The following CHRM2 variants were observed in gnomAD, a reference collection of about 807,000 sequenced individuals.
CHRM2 encodes the protein muscarinic acetylcholine receptor M2.
CHRM2 carries 8 observed loss-of-function variants against 25.0 expected under a neutral mutation model. That is an observed-to-expected ratio of 0.32 (90% CI 0.19 to 0.58). The LOEUF (loss-of-function observed/expected upper bound fraction) is 0.58. Among genes scored for constraint, CHRM2 ranks in the 20% least tolerant of loss-of-function variants. The pLI is 0.88. For synonymous variants in CHRM2, 202 were observed against 205.7 expected (o/e 0.98, Z 0.15); for missense variants, 440 against 567.1 (o/e 0.78, Z 2.28).
intron 2 of CHRM2, among the ~76,000 whole-genome samples, chr7:136,946,266 A>G (rs1443743561): frequency 6.6e-6 from 1 of 152,340 alleles, no homozygotes; most frequent in Middle Eastern, 3.4e-3. Flanking sequence ...TGTTGGAAAC[A>G]GTATCAAAAT....
chr7:136,891,704 T>C (rs928673817), intron 2 of CHRM2, among the ~76,000 whole-genome samples: 2 of 152,228 alleles, frequency 1.3e-5, no homozygotes, highest in Non-Finnish European at 2.9e-5. Flanking sequence ...TTCTTGGACA[T>C]AACATGCCCT....
intron 2 of CHRM2, among the ~76,000 whole-genome samples, chr7:136,880,259 G>C (rs1318538657): frequency 6.6e-6 from 1 of 151,656 alleles, no homozygotes; most frequent in Non-Finnish European, 1.5e-5. Flanking sequence ...GCATCTCTTG[G>C]TGTCTGAGAT....
intron 2 of CHRM2, among the ~76,000 whole-genome samples, chr7:136,901,592 T>C (rs1157835065): frequency 6.6e-6 from 1 of 151,996 alleles, no homozygotes; most frequent in African/African-American, 2.4e-5. Flanking sequence ...GCAACCCAGT[T>C]TGGCCATTCC....
At chr7:136,895,511 T>C (rs999444706) in intron 2 of CHRM2, among the ~76,000 whole-genome samples, 4 of 152,226 alleles carry the variant, frequency 2.6e-5, no homozygotes, top group African/African-American at 9.6e-5. Context: ...GTTTCTGCTC[T>C]TTTGGCCATG....
intron 2 of CHRM2, among the ~76,000 whole-genome samples, chr7:136,956,690 T>G (rs539410876): frequency 6.6e-6 from 1 of 152,294 alleles, no homozygotes; most frequent in East Asian, 1.9e-4. Flanking sequence ...AAATGGTGAC[T>G]GCTGACATAT....
At chr7:136,887,796 G>A (rs1796524693) in intron 2 of CHRM2, among the ~76,000 whole-genome samples, 1 of 152,114 alleles carries the variant, frequency 6.6e-6, no homozygotes, top group Admixed American at 6.5e-5. Context: ...GGGAAACTTA[G>A]GGTTTTATAT....
chr7:136,916,791 G>C (rs1410317933), intron 2 of CHRM2, among the ~76,000 whole-genome samples: 1 of 151,402 alleles, frequency 6.6e-6, no homozygotes, highest in East Asian at 1.9e-4. Flanking sequence ...TTAAAATTTA[G>C]TATTGGGAAC....
At chr7:136,998,164 C>T (rs946648950) in intron 3 of CHRM2, among the ~76,000 whole-genome samples, 1 of 152,104 alleles carries the variant, frequency 6.6e-6, no homozygotes, top group African/African-American at 2.4e-5. Flanking sequence ...TTAGTTCAAG[C>T]TCATACGTTT....
intron 2 of CHRM2, among the ~76,000 whole-genome samples, chr7:136,920,022 G>C (rs1364403983): frequency 6.6e-6 from 1 of 152,052 alleles, no homozygotes; most frequent in African/African-American, 2.4e-5. Context: ...ATTAGAAAAT[G>C]CAATGTAGTG....
chr7:136,947,395 A>T (rs891274567), intron 2 of CHRM2, among the ~76,000 whole-genome samples: 1 of 152,228 alleles, frequency 6.6e-6, no homozygotes, highest in Non-Finnish European at 1.5e-5. Flanking sequence ...ATTGAAGGAA[A>T]ACAATACAGT....
At chr7:137,008,138 A>G (rs545289891) in intron 3 of CHRM2, among the ~76,000 whole-genome samples, 7 of 152,266 alleles carry the variant, frequency 4.6e-5, no homozygotes, top group African/African-American at 1.7e-4. Flanking sequence ...TTGCAAATAT[A>G]TGAAATTAAA....
chr7:136,914,188 C>T (rs1307341743), intron 2 of CHRM2: 2 of 151,954 alleles, frequency 1.3e-5, no homozygotes, highest in Admixed American at 6.6e-5. Flanking sequence ...CTTTCCCAGT[C>T]TGTGCAATTT....
chr7:137,013,984 T>G (rs564586992), intron 3 of CHRM2, among the ~76,000 whole-genome samples: 1 of 152,168 alleles, frequency 6.6e-6, no homozygotes, highest in African/African-American at 2.4e-5. Context: ...TTGATAGTGG[T>G]TTGAAAAACA....
intron 2 of CHRM2, among the ~76,000 whole-genome samples, chr7:136,931,989 G>T (rs1438858818): frequency 1.3e-5 from 2 of 152,158 alleles, no homozygotes; most frequent in Non-Finnish European, 2.9e-5. Context: ...CAGCACAAAG[G>T]ACAAGGGGGC....
chr7:136,928,123 C>A (rs1473026245), intron 2 of CHRM2, among the ~76,000 whole-genome samples: 1 of 151,898 alleles, frequency 6.6e-6, no homozygotes, highest in South Asian at 2.1e-4. Flanking sequence ...AAAATACGAG[C>A]AAGAAAAAGA....
intron 3 of CHRM2, among the ~76,000 whole-genome samples, chr7:137,004,516 G>A (rs1189375082): frequency 6.6e-6 from 1 of 152,114 alleles, no homozygotes; most frequent in African/African-American, 2.4e-5. Flanking sequence ...CACTAAGGGT[G>A]TTGGAAGAGG....
chr7:136,981,641 T>A lies in CHRM2; in HGVS notation c.-124-10546T>A, dbSNP rs140139652. 6.4e-4 allele frequency among the ~76,000 whole-genome samples: 97 copies of A among 152,158 alleles called. 1 individual carries two copies. The highest frequency in any genetic ancestry group is 1.8e-3 in the Admixed American group (27 of 15,296). ...TTTGGTGTGTCCCAGAGATCTGGTA[T>A]GTTGTGTCTTTGTTCTCATTGGTTT... On this transcript the variant is annotated intron_variant, in intron 2 of 3. Coordinates refer to ENST00000680005, the MANE Select transcript of CHRM2 (RefSeq NM_001006630.2).
intron 2 of CHRM2, among the ~76,000 whole-genome samples, chr7:136,887,023 T>A (rs1796494667): frequency 6.6e-6 from 1 of 152,210 alleles, no homozygotes; most frequent in South Asian, 2.1e-4. Flanking sequence ...AGCAAATATG[T>A]AGTTGAACAA....
intron 2 of CHRM2, among the ~76,000 whole-genome samples, chr7:136,916,678 TTAATA>T (rs1483571258): frequency 6.6e-6 from 1 of 150,442 alleles, no homozygotes; most frequent in Non-Finnish European, 1.5e-5. Flanking sequence ...TATATTAATA[TTAATA>T]TAATTAATAT....
Sources: allele counts gnomAD v4.1 joint callset (sites outside exome capture counted in the v4.1 genomes callset), GRCh38; gene constraint gnomAD v4.1.1; transcripts MANE v1.5; gene names NCBI Gene and HGNC (gene_info 2026-07-23, HGNC 2026-07-21).